The following KHDRBS2 variants were observed in gnomAD, a reference collection of about 807,000 sequenced individuals.
The protein encoded by KHDRBS2 is KH RNA binding domain containing, signal transduction associated 2.
A neutral mutation model predicts 44.3 loss-of-function variants in KHDRBS2; 26 were observed. The ratio of observed to expected loss-of-function variants is 0.59; its 90% confidence interval spans 0.43 to 0.81. The LOEUF is 0.81. KHDRBS2 is among the 40% of genes least tolerant of loss of function. The pLI is 0.00. For missense variants in KHDRBS2, 476 were observed against 433.1 expected, an observed-to-expected ratio of 1.10 and a Z score of -0.88; for synonymous variants, 194 against 151.1, an observed-to-expected ratio of 1.28 and a Z score of -2.08.
intron 4 of KHDRBS2, among the ~76,000 whole-genome samples, chr6:61,926,655 A>G (rs527401417): frequency 1.3e-5 from 2 of 152,274 alleles, no homozygotes; most frequent in African/African-American, 4.8e-5. Context: ...AGTGAGCAGC[A>G]GGGATTTAGG....
Position 61,694,911 on chromosome 6 carries a change from T to C in KHDRBS2, c.952+2284A>G, listed in dbSNP as rs373254996. 2.2e-3 allele frequency among the ~76,000 whole-genome samples: 342 copies of C among 152,282 alleles called. 2 individuals carry two copies. Among genetic ancestry groups the C allele is most frequent in the African/African-American group, 8.0e-3 (333 of 41,564 alleles). On this transcript the variant is annotated intron_variant, in intron 8 of 8. Transcript: ENST00000281156. ...TAATTTGTTTTGGAAAATAGTTCTG[T>C]CTCCTATAACAGCAAAATATTAGGT...
At chr6:61,592,878 G>C in the KHDRBS2 span, among the ~76,000 whole-genome samples, 1 of 152,114 alleles carries the variant, frequency 6.6e-6, no homozygotes, top group South Asian at 2.1e-4. Context: ...AATCTGTCAG[G>C]TCAGTTAAAT....
chr6:61,623,505 G>A, the KHDRBS2 span, among the ~76,000 whole-genome samples: 1 of 152,216 alleles, frequency 6.6e-6, no homozygotes, highest in Non-Finnish European at 1.5e-5. Context: ...TGTCCATGGA[G>A]TAATAGGCAG....
chr6:61,881,475 C>T (rs1231978476), intron 6 of KHDRBS2, among the ~76,000 whole-genome samples: 1 of 151,936 alleles, frequency 6.6e-6, no homozygotes, highest in Non-Finnish European at 1.5e-5. Flanking sequence ...TTATGTTCAA[C>T]TCTCTTTACA....
chr6:61,845,617 A>T (rs1794293375), intron 6 of KHDRBS2, among the ~76,000 whole-genome samples: 1 of 152,152 alleles, frequency 6.6e-6, no homozygotes, highest in African/African-American at 2.4e-5. Flanking sequence ...CCAATGAGGG[A>T]TACAGTTCTT....
chr6:62,195,461 A>C (rs1825485208), intron 1 of KHDRBS2, among the ~76,000 whole-genome samples: 1 of 152,148 alleles, frequency 6.6e-6, no homozygotes, highest in Non-Finnish European at 1.5e-5. Flanking sequence ...TAATAAAATA[A>C]ACTTAAGGAA....
intron 6 of KHDRBS2, among the ~76,000 whole-genome samples, chr6:61,820,676 T>A (rs879767903): frequency 2.0e-5 from 3 of 152,006 alleles, no homozygotes; most frequent in Non-Finnish European, 4.4e-5. Context: ...GGAAGTCACA[T>A]TTGTATTCCT....
intron 6 of KHDRBS2, among the ~76,000 whole-genome samples, chr6:61,812,877 C>G (rs1337161134): frequency 6.6e-6 from 1 of 151,930 alleles, no homozygotes; most frequent in Non-Finnish European, 1.5e-5. Context: ...TGTACCTTGG[C>G]CTCGGCGTAT....
chr6:61,711,071 A>G (rs1326247189), intron 7 of KHDRBS2, among the ~76,000 whole-genome samples: 2 of 151,262 alleles, frequency 1.3e-5, no homozygotes, highest in Non-Finnish European at 3.0e-5. Context: ...TTCTGCATAC[A>G]TAAGTCAAGA....
At chr6:62,190,900 C>T (rs1405032221) in intron 1 of KHDRBS2, among the ~76,000 whole-genome samples, 2 of 152,074 alleles carry the variant, frequency 1.3e-5, no homozygotes, top group Non-Finnish European at 2.9e-5. Context: ...TATGGAGCTT[C>T]TCCACTCAGA....
rs1562513631 is a variant in KHDRBS2 at position 61,954,839 on chromosome 6, T to TATAA, written c.483+23226_483+23227insTTAT. ...ATGTGTATATACACATGCATATGTA[T>TATAA]GTATACATATGCATGTGTATATACA... On this transcript the variant is annotated intron_variant, in intron 4 of 8. Transcript: ENST00000281156. 8.9e-3 allele frequency among the ~76,000 whole-genome samples: 995 copies of TATAA among 111,176 alleles called. 169 individuals are homozygous for TATAA. Among genetic ancestry groups the TATAA allele is most frequent in the African/African-American group, 0.031 (942 of 30,386 alleles). The allele number at this position is 111,176 out of a possible 152,430, so 72.9% of individuals were successfully genotyped here. A position where few individuals can be genotyped will look rare whatever the true frequency, so the allele number is the denominator to read the frequency against.
intron 4 of KHDRBS2, among the ~76,000 whole-genome samples, chr6:61,950,027 T>C (rs894493627): frequency 7.6e-4 from 116 of 152,004 alleles, no homozygotes; most frequent in Non-Finnish European, 1.2e-3. Context: ...TGAAAGCTGG[T>C]TGTTGTTATT....
the KHDRBS2 span, among the ~76,000 whole-genome samples, chr6:61,635,100 A>G: frequency 6.6e-6 from 1 of 151,988 alleles, no homozygotes; most frequent in Non-Finnish European, 1.5e-5. Context: ...TTACTATCCA[A>G]TTAATCTCAT....
intron 1 of KHDRBS2, among the ~76,000 whole-genome samples, chr6:62,218,545 C>T (rs561999398): frequency 1.3e-5 from 2 of 151,350 alleles, no homozygotes; most frequent in Non-Finnish European, 3.0e-5. Flanking sequence ...AAATTTGAAA[C>T]TAAAAACTTT....
intron 8 of KHDRBS2, among the ~76,000 whole-genome samples, chr6:61,688,922 A>T (rs1767088189): frequency 6.6e-6 from 1 of 151,902 alleles, no homozygotes; most frequent in Admixed American, 6.6e-5. Flanking sequence ...CTTATAGTTT[A>T]TACTAAGGAG....
chr6:61,688,733 G>A (rs1015711214), intron 8 of KHDRBS2, among the ~76,000 whole-genome samples: 1 of 151,974 alleles, frequency 6.6e-6, no homozygotes, highest in East Asian at 1.9e-4. Flanking sequence ...GCAAGTGCCT[G>A]TGTTTATACC....
intron 3 of KHDRBS2, among the ~76,000 whole-genome samples, chr6:62,029,134 T>C (rs1156533700): frequency 6.6e-6 from 1 of 152,024 alleles, no homozygotes; most frequent in African/African-American, 2.4e-5. Flanking sequence ...ATGGTATTTA[T>C]ATTTTAAATT....
At chr6:61,606,614 G>T in the KHDRBS2 span, among the ~76,000 whole-genome samples, 5 of 152,270 alleles carry the variant, frequency 3.3e-5, no homozygotes, top group Admixed American at 3.3e-4. Flanking sequence ...AGCATGGCAA[G>T]ACAGGTTATA....
rs189120009 is a variant in KHDRBS2, at chr6:62,051,814, G to T, written c.220-3820C>A. Among the ~76,000 whole-genome samples the T allele has an allele frequency of 1.2e-3, 189 of 151,728 alleles. 1 individual carries two copies. Among genetic ancestry groups the T allele is most frequent in the African/African-American group, 4.2e-3 (173 of 41,408 alleles). ...TGGCAGAAAAACCGATTTAAAAATG[G>T]GCAAAAGATCTAAATAGACACTTAT... On this transcript the variant is annotated intron_variant, in intron 2 of 8. Coordinates refer to ENST00000281156, the MANE Select transcript of KHDRBS2 (RefSeq NM_152688.4).
Sources: allele counts gnomAD v4.1 joint callset (sites outside exome capture counted in the v4.1 genomes callset), GRCh38; gene constraint gnomAD v4.1.1; transcripts MANE v1.5; gene names NCBI Gene and HGNC (gene_info 2026-07-23, HGNC 2026-07-21).